Variants in FGF10 observed in about 807,000 individuals in gnomAD.
FGF10 encodes the protein fibroblast growth factor 10, also known as FGF-10.
FGF10 carries 2 observed loss-of-function variants against 19.8 expected under a neutral mutation model. That is an observed-to-expected ratio of 0.10 (90% confidence interval 0.04 to 0.32). FGF10 has a LOEUF of 0.32. Among genes scored for constraint, FGF10 ranks in the 10% least tolerant of loss-of-function variants. The pLI, the probability that FGF10 is intolerant of heterozygous loss-of-function variation, is 1.00. For missense variants in FGF10, 191 were observed against 246.3 expected, an observed-to-expected ratio of 0.78 and a Z score of 1.50; for synonymous variants, 112 against 94.0, an observed-to-expected ratio of 1.19 and a Z score of -1.10.
chr5:44,312,806 A>G (rs1740243861), intron 1 of FGF10, among the ~76,000 whole-genome samples: 2 of 152,112 alleles, frequency 1.3e-5, no homozygotes, highest in South Asian at 4.1e-4. Flanking sequence ...ATGAAGGATG[A>G]TTTTAAGCAA....
chr5:44,311,263 G>A (rs1436014162), intron 1 of FGF10, among the ~76,000 whole-genome samples: 1 of 151,994 alleles, frequency 6.6e-6, no homozygotes, highest in Non-Finnish European at 1.5e-5. Context: ...CACAAGTTTC[G>A]ATTGCTGCAT....
intron 1 of FGF10, among the ~76,000 whole-genome samples, chr5:44,338,510 G>A (rs1303066165): frequency 6.6e-6 from 1 of 152,106 alleles, no homozygotes; most frequent in African/African-American, 2.4e-5. Flanking sequence ...TGAAAGATGC[G>A]GCACAGATAC....
At chr5:44,309,292 A>C (rs946964253) in intron 2 of FGF10, among the ~76,000 whole-genome samples, 1 of 152,120 alleles carries the variant, frequency 6.6e-6, no homozygotes, top group Non-Finnish European at 1.5e-5. Flanking sequence ...TTCAGTTAGC[A>C]TCCCCTTGAT....
At chr5:44,351,452 C>T (rs1307556580) in intron 1 of FGF10, among the ~76,000 whole-genome samples, 2 of 151,506 alleles carry the variant, frequency 1.3e-5, no homozygotes, top group Non-Finnish European at 3.0e-5. Context: ...CTTTTTTTAA[C>T]AGTTCAGTGG....
chr5:44,380,961 A>G (rs1283440508), intron 1 of FGF10, among the ~76,000 whole-genome samples: 1 of 152,234 alleles, frequency 6.6e-6, no homozygotes, highest in African/African-American at 2.4e-5. Context: ...CTTCAAAATC[A>G]TCTTCACTTT....
intron 1 of FGF10, among the ~76,000 whole-genome samples, chr5:44,357,191 A>C (rs1378305868): frequency 6.6e-6 from 1 of 151,424 alleles, no homozygotes; most frequent in African/African-American, 2.4e-5. Flanking sequence ...ACAAAACCCT[A>C]AAGTTGGAAA....
At chr5:44,366,468 A>T (rs1254110924) in intron 1 of FGF10, among the ~76,000 whole-genome samples, 1 of 152,016 alleles carries the variant, frequency 6.6e-6, no homozygotes, top group Non-Finnish European at 1.5e-5. Context: ...GAGGTGAAGA[A>T]AGAAGGCAGG....
intron 1 of FGF10, among the ~76,000 whole-genome samples, chr5:44,334,219 CT>C (rs1471655836): frequency 6.6e-6 from 1 of 152,028 alleles, no homozygotes; most frequent in African/African-American, 2.4e-5. Flanking sequence ...GTGCCCTATC[CT>C]TATGTCCACA....
At chr5:44,347,809 C>A (rs1217620250) in intron 1 of FGF10, among the ~76,000 whole-genome samples, 1 of 151,582 alleles carries the variant, frequency 6.6e-6, no homozygotes, top group Non-Finnish European at 1.5e-5. Context: ...TGGAGGGGAC[C>A]CAATGGCTCT....
At chr5:44,333,193 A>T (rs1740775774) in intron 1 of FGF10, among the ~76,000 whole-genome samples, 1 of 152,200 alleles carries the variant, frequency 6.6e-6, no homozygotes, top group Non-Finnish European at 1.5e-5. Context: ...ATCAGTCTAG[A>T]GAGAAAATAC....
chr5:44,365,743 T>C (rs1388886544), intron 1 of FGF10, among the ~76,000 whole-genome samples: 1 of 151,950 alleles, frequency 6.6e-6, no homozygotes, highest in African/African-American at 2.4e-5. Context: ...GAACCACAAA[T>C]AGCTAATGCT....
intron 1 of FGF10, among the ~76,000 whole-genome samples, chr5:44,383,691 A>G (rs887998852): frequency 1.8e-4 from 28 of 152,128 alleles, no homozygotes; most frequent in African/African-American, 6.3e-4. Context: ...GAATGCAGTA[A>G]AGGTAACAGG....
chr5:44,323,340 G>T (rs186554122), intron 1 of FGF10, among the ~76,000 whole-genome samples: 230 of 152,260 alleles, frequency 1.5e-3, no homozygotes, highest in Admixed American at 5.5e-3. Context: ...ATAGAAATTA[G>T]TTTAAAGGGT....
Position 44,302,951 on chromosome 5 carries a change from T to C in FGF10, c.*2044A>G, listed in dbSNP as rs989540158. On this transcript the variant is annotated 3_prime_UTR_variant, in exon 3 of 3. Coordinates refer to ENST00000264664, the MANE Select transcript of FGF10 (RefSeq NM_004465.2). ...TATGTTTATGTGTCAGGTGCAATTA[T>C]TATTTTAAAATAAAGGAAAAAAAGA... Among the ~76,000 whole-genome samples, 2 of 152,158 alleles carry C rather than the reference T, an allele frequency of 1.3e-5. No homozygotes were observed. The highest frequency in any genetic ancestry group is 2.4e-5 in the African/African-American group (1 of 41,452).
intron 1 of FGF10, among the ~76,000 whole-genome samples, chr5:44,321,612 C>A (rs764936408): frequency 2.0e-5 from 3 of 152,194 alleles, no homozygotes; most frequent in Non-Finnish European, 2.9e-5. Flanking sequence ...ACTGTGTCAT[C>A]TACAGAGAAA....
At chr5:44,385,672 G>A (rs1742080630) in intron 1 of FGF10, among the ~76,000 whole-genome samples, 1 of 152,172 alleles carries the variant, frequency 6.6e-6, no homozygotes, top group African/African-American at 2.4e-5. Flanking sequence ...ACTCTTCAGA[G>A]GTTAGAGATC....
intron 1 of FGF10, among the ~76,000 whole-genome samples, chr5:44,312,396 C>A (rs1272799437): frequency 1.3e-5 from 2 of 151,968 alleles, no homozygotes; most frequent in Non-Finnish European, 2.9e-5. Context: ...AACACTTAAG[C>A]CTCTGACTTT....
chr5:44,324,839 A>T (rs1740573842), intron 1 of FGF10, among the ~76,000 whole-genome samples: 1 of 152,184 alleles, frequency 6.6e-6, no homozygotes, highest in African/African-American at 2.4e-5. Flanking sequence ...AATTAATGTA[A>T]ACATCTATAA....
chr5:44,373,114 C>G (rs1265963837), intron 1 of FGF10, among the ~76,000 whole-genome samples: 2 of 152,176 alleles, frequency 1.3e-5, no homozygotes, highest in African/African-American at 4.8e-5. Flanking sequence ...GCTGATACAA[C>G]ATTCTCAAAA....
Sources: allele counts gnomAD v4.1 joint callset (sites outside exome capture counted in the v4.1 genomes callset), GRCh38; gene constraint gnomAD v4.1.1; transcripts MANE v1.5; gene names NCBI Gene and HGNC (gene_info 2026-07-23, HGNC 2026-07-21).